CHM: variants seen among roughly 807,000 people sequenced by gnomAD.
CHM encodes the protein CHM Rab escort protein, also known as rab proteins geranylgeranyltransferase component A 1.
Under a neutral mutation model 49.0 loss-of-function variants are expected in CHM, and 10 were observed. That is an observed-to-expected ratio of 0.20 (90% CI 0.13 to 0.35). CHM has a LOEUF of 0.35. Among genes scored for constraint, CHM ranks in the 10% least tolerant of loss-of-function variants. The pLI is 1.00. For missense variants in CHM, 455 were observed against 478.4 expected, an observed-to-expected ratio of 0.95 and a Z score of 0.46; for synonymous variants, 184 against 167.5, an observed-to-expected ratio of 1.10 and a Z score of -0.76.
intron 8 of CHM, among the ~76,000 whole-genome samples, chrX:85,920,301 T>G (rs1927716618): frequency 9.1e-6 from 1 of 110,420 alleles, no homozygotes; most frequent in Non-Finnish European, 1.9e-5. Context: ...TTTCACCGTG[T>G]TAGCCAGGAT....
intron 4 of CHM, chrX:85,970,457 T>G: frequency 6.6e-6 from 5 of 751,913 alleles, no homozygotes; most frequent in Non-Finnish European, 7.8e-6. Flanking sequence ...GTTCCCTTGA[T>G]GTGCATACAT....
chrX:86,012,520 C>T (rs1933121579), intron 2 of CHM, among the ~76,000 whole-genome samples: 1 of 111,574 alleles, frequency 9.0e-6, no homozygotes, highest in African/African-American at 3.3e-5. Context: ...CTCTGGAATG[C>T]CATGTTGAAA....
At chrX:85,971,124 A>G (rs1010547075) in intron 4 of CHM, 1 of 704,482 alleles carries the variant, frequency 1.4e-6, no homozygotes, top group Non-Finnish European at 1.7e-6. Flanking sequence ...ATATTAGAAT[A>G]CATATATTAG....
chrX:85,941,496 G>A (rs1424464323), intron 8 of CHM, among the ~76,000 whole-genome samples: 1 of 111,598 alleles, frequency 9.0e-6, no homozygotes, highest in African/African-American at 3.3e-5. Flanking sequence ...AATACTTAGT[G>A]CATGACTAAT....
chrX:85,931,531 T>C (rs1239039398), intron 8 of CHM, among the ~76,000 whole-genome samples: 1 of 111,981 alleles, frequency 8.9e-6, no homozygotes, highest in African/African-American at 3.2e-5. Context: ...ATATCAGTTG[T>C]CAATAAGCCA....
chrX:85,986,603 G>A (rs981627111), intron 2 of CHM, among the ~76,000 whole-genome samples: 1 of 112,165 alleles, frequency 8.9e-6, no homozygotes, highest in Non-Finnish European at 1.9e-5. Context: ...CAAGAAGTCA[G>A]CTTCCAATAA....
intron 8 of CHM, among the ~76,000 whole-genome samples, chrX:85,931,367 T>C (rs973438565): frequency 2.7e-5 from 3 of 111,281 alleles, no homozygotes; most frequent in Non-Finnish European, 3.8e-5. Flanking sequence ...CTGCCAAAAA[T>C]AGACCAGTTC....
intron 8 of CHM, among the ~76,000 whole-genome samples, chrX:85,929,839 T>C (rs991759156): frequency 1.8e-5 from 2 of 111,315 alleles, no homozygotes; most frequent in South Asian, 3.8e-4. Flanking sequence ...TGGTGGCTCA[T>C]GCCTGTAATC....
At chrX:85,979,879 CAAGTAT>C (rs1216239433) in intron 3 of CHM, among the ~76,000 whole-genome samples, 6 of 111,058 alleles carry the variant, frequency 5.4e-5, no homozygotes, top group Non-Finnish European at 1.1e-4. Context: ...CTCTTATTAT[CAAGTAT>C]AATATTAGAT....
intron 8 of CHM, among the ~76,000 whole-genome samples, chrX:85,928,611 A>G (rs1217614214): frequency 8.9e-6 from 1 of 112,790 alleles, no homozygotes; most frequent in Admixed American, 9.4e-5. Context: ...AACTGAAAAC[A>G]TAAAAGAATC....
chrX:85,958,779 C>T, intron 6 of CHM, 82 bp downstream of exon 6: 1 of 1,186,586 alleles, frequency 8.4e-7, no homozygotes, highest in Non-Finnish European at 1.1e-6. Context: ...AGGAAAATAA[C>T]AATCTTATTT....
At chrX:85,891,612 A>T (rs1015308534) in intron 12 of CHM, among the ~76,000 whole-genome samples, 1 of 112,311 alleles carries the variant, frequency 8.9e-6, no homozygotes, top group Admixed American at 9.4e-5. Flanking sequence ...ATTTCAGAAG[A>T]AGTATGGAAA....
chrX:85,999,063 T>A (rs1188295737), intron 2 of CHM, among the ~76,000 whole-genome samples: 1 of 110,971 alleles, frequency 9.0e-6, no homozygotes, highest in Admixed American at 9.6e-5. Context: ...TTTATCACAA[T>A]TCCTAAATAG....
chrX:85,913,217 G>A (rs1159385145), intron 8 of CHM, among the ~76,000 whole-genome samples: 1 of 99,296 alleles, frequency 1.0e-5, no homozygotes, highest in East Asian at 3.1e-4. Flanking sequence ...TTGGGAGGCT[G>A]AGGCAGGAGA....
intron 12 of CHM, among the ~76,000 whole-genome samples, chrX:85,892,234 G>T (rs184588269): frequency 9.0e-6 from 1 of 110,873 alleles, no homozygotes; most frequent in Admixed American, 9.6e-5. Flanking sequence ...TTGGGGGACT[G>T]TTGGGAAGGC....
At chrX:86,041,741 T>TATATATATATATATATAC (rs1177010815) in intron 1 of CHM, among the ~76,000 whole-genome samples, 1 of 99,967 alleles carries the variant, frequency 1.0e-5, no homozygotes, top group Non-Finnish European at 2.0e-5. Context: ...TATATATATA[T>TATATATATATATATATAC]ATATATATAT....
At chrX:85,995,957 T>C (rs1183265053) in intron 2 of CHM, among the ~76,000 whole-genome samples, 1 of 112,240 alleles carries the variant, frequency 8.9e-6, no homozygotes, top group Non-Finnish European at 1.9e-5. Context: ...AGGGTTGCAC[T>C]GTTTTATTTA....
At chrX:85,898,907 T>C (rs1297840413) in intron 11 of CHM, among the ~76,000 whole-genome samples, 1 of 112,495 alleles carries the variant, frequency 8.9e-6, no homozygotes, top group Non-Finnish European at 1.9e-5. Flanking sequence ...AGGCACTCAT[T>C]GTTTGCTGAA....
At chrX:85,981,230 A>T (rs989236201) in intron 3 of CHM, among the ~76,000 whole-genome samples, 12 of 44,930 alleles carry the variant, frequency 2.7e-4, no homozygotes, top group South Asian at 1.3e-3. Context: ...AGACACACAT[A>T]TTTTTTTTTT....
Sources: gnomAD v4.1 joint callset for allele counts (sites outside exome capture counted in the v4.1 genomes callset) on GRCh38, gnomAD v4.1.1 for gene constraint, MANE v1.5 for transcripts, NCBI Gene and HGNC (gene_info 2026-07-23, HGNC 2026-07-21) for gene names.